Variants in KCNIP4 observed in about 807,000 individuals in gnomAD.
KCNIP4 encodes Kv channel-interacting protein 4.
KCNIP4 carries 12 observed loss-of-function variants against 34.0 expected under a neutral mutation model. That is an observed-to-expected ratio of 0.35 (90% CI 0.23 to 0.57). The LOEUF (loss-of-function observed/expected upper bound fraction) is 0.57, where lower values mean the gene tolerates loss of function less well. Among genes scored for constraint, KCNIP4 ranks in the 20% least tolerant of loss-of-function variants. KCNIP4 has a pLI of 0.83. For missense variants in KCNIP4, 238 were observed against 311.7 expected (o/e 0.76, Z 1.78); for synonymous variants, 124 against 102.2 (o/e 1.21, Z -1.29).
At position 21,501,248 on chromosome 4, in the gene KCNIP4, T is replaced by TCTCACACACACACACACACACA. The variant is rs764571152; in HGVS notation, c.61+447322_61+447323insTGTGTGTGTGTGTGTGTGTGAG. 9.5e-4 allele frequency among the ~76,000 whole-genome samples: 99 copies of TCTCACACACACACACACACACA among 104,258 alleles called. No homozygotes were observed. In the South Asian group the frequency reaches 0.021, roughly 23 times the overall value. 68.4% of individuals were successfully genotyped at this position (104,258 alleles called of 152,430 possible). ...TTCTCTCTCTCTCTCTCTCTCTCTCTCACACACACACACACACACACACAC... is the reference window on the plus strand; with the variant it reads ...TTCTCTCTCTCTCTCTCTCTCTCTCTCTCACACACACACACACACACACACACACACACACACACACACACAC... On this transcript the variant is annotated intron_variant, in intron 1 of 8. Coordinates refer to ENST00000382152, the MANE Select transcript of KCNIP4 (RefSeq NM_025221.6).
intron 1 of KCNIP4, among the ~76,000 whole-genome samples, chr4:20,909,993 G>A (rs576103315): frequency 5.1e-4 from 78 of 152,296 alleles, no homozygotes; most frequent in Non-Finnish European, 1.1e-3. Context: ...TTCTCATTAA[G>A]TGAGGAAAAT....
At chr4:20,829,825 G>C (rs2149455997) in intron 3 of KCNIP4, among the ~76,000 whole-genome samples, 1 of 152,142 alleles carries the variant, frequency 6.6e-6, no homozygotes, top group Non-Finnish European at 1.5e-5. Context: ...TCCTTTCGGT[G>C]ATCTCATCCA....
At chr4:21,186,858 A>G (rs1755268110) in intron 1 of KCNIP4, among the ~76,000 whole-genome samples, 1 of 152,138 alleles carries the variant, frequency 6.6e-6, no homozygotes, top group South Asian at 2.1e-4. Context: ...TATGTTGCCC[A>G]GGCTGATCTT....
intron 1 of KCNIP4, among the ~76,000 whole-genome samples, chr4:21,778,233 T>C (rs1719317716): frequency 1.1e-5 from 1 of 91,930 alleles, no homozygotes; most frequent in Non-Finnish European, 2.0e-5. Flanking sequence ...CCTTTTTTTT[T>C]TTCTTTTTTT....
At chr4:21,868,082 A>G (rs1216290643) in intron 1 of KCNIP4, among the ~76,000 whole-genome samples, 1 of 152,196 alleles carries the variant, frequency 6.6e-6, no homozygotes, top group Non-Finnish European at 1.5e-5. Context: ...GTATAACCAG[A>G]GGGCAAGGGA....
intron 1 of KCNIP4, among the ~76,000 whole-genome samples, chr4:21,291,379 T>G (rs577039607): frequency 1.0e-4 from 13 of 128,646 alleles, no homozygotes; most frequent in African/African-American, 3.1e-4. Context: ...AATAGGTATG[T>G]GTAGATGCAC....
chr4:21,052,713 C>T (rs1424670966), intron 1 of KCNIP4, among the ~76,000 whole-genome samples: 1 of 152,056 alleles, frequency 6.6e-6, no homozygotes, highest in African/African-American at 2.4e-5. Flanking sequence ...TGCTGTTTCC[C>T]CTTCTGTACC....
chr4:21,319,323 A>G (rs2109296276), intron 1 of KCNIP4, among the ~76,000 whole-genome samples: 1 of 152,354 alleles, frequency 6.6e-6, no homozygotes, highest in Non-Finnish European at 1.5e-5. Flanking sequence ...TAACAAATCA[A>G]CAGACACATG....
At chr4:21,230,593 C>T (rs1463865343) in intron 1 of KCNIP4, among the ~76,000 whole-genome samples, 1 of 152,138 alleles carries the variant, frequency 6.6e-6, no homozygotes. Flanking sequence ...TCAGCTCCCA[C>T]TTATAAGTGA....
At chr4:20,737,343 C>T (rs1428498075) in intron 5 of KCNIP4, among the ~76,000 whole-genome samples, 1 of 152,032 alleles carries the variant, frequency 6.6e-6, no homozygotes. Context: ...ATGGAGGTCA[C>T]CAGCAAGTGA....
chr4:21,488,075 T>C (rs4482750), intron 1 of KCNIP4, among the ~76,000 whole-genome samples: 35,995 of 151,836 alleles, frequency 0.24, 4,357 homozygotes, highest in South Asian at 0.3. Context: ...TTAATTGACA[T>C]AGAAGGAGAA....
At chr4:21,829,166 C>A (rs931319332) in intron 1 of KCNIP4, among the ~76,000 whole-genome samples, 5 of 151,864 alleles carry the variant, frequency 3.3e-5, no homozygotes, top group African/African-American at 1.2e-4. Context: ...GGGTTTGGAT[C>A]GGTTATTGAT....
intron 1 of KCNIP4, among the ~76,000 whole-genome samples, chr4:21,710,172 T>C (rs1335706837): frequency 6.6e-6 from 1 of 152,174 alleles, no homozygotes; most frequent in Non-Finnish European, 1.5e-5. Flanking sequence ...ATCCTACAAA[T>C]CTAAATTCAA....
chr4:20,759,933 A>G (rs1181608409), intron 3 of KCNIP4, among the ~76,000 whole-genome samples: 1 of 152,196 alleles, frequency 6.6e-6, no homozygotes, highest in East Asian at 1.9e-4. Context: ...AAATCCATGC[A>G]CATTCAAGTC....
chr4:21,876,308 T>A (rs1362701775), intron 1 of KCNIP4, among the ~76,000 whole-genome samples: 1 of 152,212 alleles, frequency 6.6e-6, no homozygotes, highest in Non-Finnish European at 1.5e-5. Context: ...TTGCACATAA[T>A]CTCTGTGCTT....
At chr4:21,901,391 C>T (rs892903590) in intron 1 of KCNIP4, among the ~76,000 whole-genome samples, 1 of 152,198 alleles carries the variant, frequency 6.6e-6, no homozygotes, top group African/African-American at 2.4e-5. Flanking sequence ...CTTTTAATTA[C>T]ATAAATTTAT....
intron 1 of KCNIP4, among the ~76,000 whole-genome samples, chr4:21,431,781 A>G (rs1430446238): frequency 6.6e-6 from 1 of 151,770 alleles, no homozygotes; most frequent in Non-Finnish European, 1.5e-5. Context: ...AGACTGAACT[A>G]CCACTGCCAG....
chr4:20,865,036 C>T (rs1470897122), intron 2 of KCNIP4, among the ~76,000 whole-genome samples: 1 of 152,118 alleles, frequency 6.6e-6, no homozygotes, highest in African/African-American at 2.4e-5. Context: ...ATTTTCACCA[C>T]TGGCTCTTCA....
At chr4:21,275,967 CA>C (rs1002999527) in intron 1 of KCNIP4, among the ~76,000 whole-genome samples, 17 of 150,198 alleles carry the variant, frequency 1.1e-4, no homozygotes, top group South Asian at 8.4e-4. Flanking sequence ...AAAAGAATTG[CA>C]AAAAAAAACT....
Sources: gnomAD v4.1 joint callset for allele counts (sites outside exome capture counted in the v4.1 genomes callset) on GRCh38, gnomAD v4.1.1 for gene constraint, MANE v1.5 for transcripts, NCBI Gene and HGNC (gene_info 2026-07-23, HGNC 2026-07-21) for gene names.